The following SBF2 variants were observed in gnomAD, a reference collection of about 807,000 sequenced individuals.
SBF2 encodes the protein myotubularin-related protein 13.
In SBF2, 112 loss-of-function variants were observed where a neutral mutation model predicts 225.2. The ratio of observed to expected loss-of-function variants is 0.50; its 90% CI spans 0.43 to 0.58. The LOEUF (loss-of-function observed/expected upper bound fraction) is 0.58, where lower values mean the gene tolerates loss of function less well. Among genes scored for constraint, SBF2 ranks in the 20% least tolerant of loss-of-function variants. The pLI, the probability that SBF2 is intolerant of heterozygous loss-of-function variation, is 0.00. For missense variants in SBF2, 1,996 were observed against 2,206.2 expected (o/e 0.90, Z 1.91); for synonymous variants, 763 against 773.3 (o/e 0.99, Z 0.22).
intron 1 of SBF2, among the ~76,000 whole-genome samples, chr11:10,203,144 T>C (rs896338448): frequency 6.6e-6 from 1 of 152,004 alleles, no homozygotes; most frequent in African/African-American, 2.4e-5. Context: ...GGTGGGAATC[T>C]AGGGAACCCA....
chr11:9,844,309 A>G (rs11603291), intron 24 of SBF2, among the ~76,000 whole-genome samples: 27,543 of 152,126 alleles, frequency 0.18, 3,032 homozygotes, highest in Non-Finnish European at 0.25. Flanking sequence ...CAAATTTTCT[A>G]TAATCCCCAA....
At chr11:9,884,183 A>G (rs961528359) in intron 17 of SBF2, among the ~76,000 whole-genome samples, 1 of 152,220 alleles carries the variant, frequency 6.6e-6, no homozygotes, top group Non-Finnish European at 1.5e-5. Flanking sequence ...AAAGGATTAG[A>G]GCCCATATTG....
At chr11:9,896,978 T>C (rs988461897) in intron 16 of SBF2, among the ~76,000 whole-genome samples, 5 of 152,072 alleles carry the variant, frequency 3.3e-5, no homozygotes, top group African/African-American at 9.7e-5. Flanking sequence ...AAAATAAATA[T>C]AGAATTACTG....
chr11:9,905,695 T>A (rs1862065284), intron 16 of SBF2, among the ~76,000 whole-genome samples: 1 of 152,234 alleles, frequency 6.6e-6, no homozygotes, highest in Admixed American at 6.5e-5. Context: ...GATAGATTTT[T>A]AAGTCAGAAC....
At chr11:9,981,288 C>T (rs1032992729) in intron 13 of SBF2, among the ~76,000 whole-genome samples, 4 of 152,142 alleles carry the variant, frequency 2.6e-5, no homozygotes, top group East Asian at 1.9e-4. Flanking sequence ...CAATAGACAC[C>T]GAGGACTACT....
intron 1 of SBF2, among the ~76,000 whole-genome samples, chr11:10,213,920 C>T (rs1958031840): frequency 6.6e-6 from 1 of 152,214 alleles, no homozygotes; most frequent in Non-Finnish European, 1.5e-5. Context: ...GCACTGAACA[C>T]AGTTTAATAA....
chr11:10,131,864 T>C (rs1438375548), intron 2 of SBF2, among the ~76,000 whole-genome samples: 2 of 152,242 alleles, frequency 1.3e-5, no homozygotes, highest in African/African-American at 4.8e-5. Flanking sequence ...TTAATTTTAA[T>C]ACATTCCAAT....
At chr11:10,295,884 A>G (rs1310585662), upstream of SBF2, among the ~76,000 whole-genome samples, 1 of 152,214 alleles carries the variant, frequency 6.6e-6, no homozygotes, top group African/African-American at 2.4e-5. Flanking sequence ...TTCTAAAAAT[A>G]GGGCAAAATT....
chr11:10,207,002 C>T (rs1957773586), intron 1 of SBF2, among the ~76,000 whole-genome samples: 1 of 150,564 alleles, frequency 6.6e-6, no homozygotes, highest in Non-Finnish European at 1.5e-5. Context: ...AGTTGCGTGA[C>T]TCTCATACTG....
At chr11:10,196,866 A>ATATATATTTTTTTTTTTTT in intron 1 of SBF2, among the ~76,000 whole-genome samples, 4 of 99,310 alleles carry the variant, frequency 4.0e-5, no homozygotes, top group African/African-American at 8.1e-5. Context: ...ATATATATAT[A>ATATATATTTTTTTTTTTTT]TTTTTTTTTT....
At chr11:10,026,128 T>C (rs987493662) in intron 6 of SBF2, among the ~76,000 whole-genome samples, 1 of 151,530 alleles carries the variant, frequency 6.6e-6, no homozygotes, top group African/African-American at 2.4e-5. Context: ...TTAATATCCC[T>C]GGTCCTTGAC....
chr11:9,951,501 G>T (rs1865859642), intron 16 of SBF2, among the ~76,000 whole-genome samples: 1 of 152,168 alleles, frequency 6.6e-6, no homozygotes. Context: ...GAGTAAGACT[G>T]CCTAGGGAGA....
At chr11:10,168,594 T>C (rs2028578) in intron 2 of SBF2, among the ~76,000 whole-genome samples, 14,633 of 152,218 alleles carry the variant, frequency 0.096, 958 homozygotes, top group East Asian at 0.28. Context: ...TAAATATTTA[T>C]ATGAATTTGA....
chr11:10,024,187 T>C (rs1263266993), intron 6 of SBF2, among the ~76,000 whole-genome samples: 2 of 152,256 alleles, frequency 1.3e-5, no homozygotes, highest in Non-Finnish European at 2.9e-5. Flanking sequence ...TATTACATTG[T>C]ATGAACATAC....
intron 6 of SBF2, among the ~76,000 whole-genome samples, chr11:10,009,144 G>C (rs997304247): frequency 6.6e-6 from 1 of 152,158 alleles, no homozygotes; most frequent in African/African-American, 2.4e-5. Flanking sequence ...CCACACACAA[G>C]GGTGAACTGC....
chr11:10,300,858 A>C (rs1028383355), intron 1 of SBF2, among the ~76,000 whole-genome samples: 12 of 141,754 alleles, frequency 8.5e-5, no homozygotes, highest in African/African-American at 3.2e-4. Flanking sequence ...CCATGTTGCC[A>C]GGCTGGTCTT....
intron 13 of SBF2, among the ~76,000 whole-genome samples, chr11:9,974,652 G>A (rs1451433892): frequency 3.9e-5 from 5 of 127,140 alleles, no homozygotes; most frequent in African/African-American, 9.1e-5. Flanking sequence ...CCCCAACACC[G>A]CCCAAAAAAA....
chr11:9,927,588 A>C (rs991874881), intron 16 of SBF2, among the ~76,000 whole-genome samples: 3 of 152,162 alleles, frequency 2.0e-5, no homozygotes, highest in South Asian at 2.1e-4. Context: ...AAAAATAAAA[A>C]ATACATCATG....
chr11:10,033,926 A>G (rs181831291), intron 3 of SBF2, among the ~76,000 whole-genome samples: 140 of 152,294 alleles, frequency 9.2e-4, no homozygotes, highest in Admixed American at 3.8e-3. Context: ...CTTAAAAATA[A>G]GCAGGAAATT....
Sources: gnomAD v4.1 joint callset for allele counts (sites outside exome capture counted in the v4.1 genomes callset) on GRCh38, gnomAD v4.1.1 for gene constraint, MANE v1.5 for transcripts, NCBI Gene and HGNC (gene_info 2026-07-23, HGNC 2026-07-21) for gene names.